DIAPH1: variants seen among roughly 807,000 people sequenced by gnomAD.
DIAPH1 encodes diaphanous related formin 1.
A neutral mutation model predicts 140.7 loss-of-function variants in DIAPH1; 46 were observed. The observed-to-expected ratio is 0.33, with a 90% CI of 0.26 to 0.42. The LOEUF (loss-of-function observed/expected upper bound fraction) is 0.42. DIAPH1 is among the 10% of genes least tolerant of loss of function. The pLI, the probability that DIAPH1 is intolerant of heterozygous loss-of-function variation, is 1.00. For synonymous variants in DIAPH1, 565 were observed against 551.6 expected, an observed-to-expected ratio of 1.02 and a Z score of -0.34; for missense variants, 1,310 against 1,558.7, an observed-to-expected ratio of 0.84 and a Z score of 2.69.
chr5:141,545,735 T>C (rs1413230141), intron 18 of DIAPH1, among the ~76,000 whole-genome samples: 1 of 152,190 alleles, frequency 6.6e-6, no homozygotes, highest in Non-Finnish European at 1.5e-5. Flanking sequence ...TAAACAGACA[T>C]ATATTTTAGG....
rs755863519 is a variant in DIAPH1 at position 141,574,153 on chromosome 5, G to A, written c.1697C>T (p.Ser566Phe). 2 of 1,614,130 alleles carry A rather than the reference G, an allele frequency of 1.2e-6. No individual in the cohort carries two copies. The highest frequency in any genetic ancestry group is 2.2e-5 in the South Asian group (2 of 91,082). The change falls in exon 16 of 28, where the codon TCT becomes TTT. Residue 566 changes from serine (S) to phenylalanine (F), a missense_variant. Transcript: ENST00000389054. ...EDAKKEMASL[S>F]AAAITVPPSV... The stretch of plus-strand genomic sequence containing the variant: ...AGGAGGTACAGTAATAGCTGCCGCA[G>A]AGAGGGAAGCCATTTCTTTCTTGGC...
At chr5:141,618,774 G>T in intron 1 of DIAPH1, 24 bp downstream of exon 1, 1 of 1,511,932 alleles carries the variant, frequency 6.6e-7, no homozygotes, top group South Asian at 1.2e-5. Context: ...GGCCAGGCAG[G>T]AGCGGGATGG....
In DIAPH1 at chr5:141,603,218, A is replaced by G. The variant is rs191300117; in HGVS notation, c.118-14968T>C. Among the ~76,000 whole-genome samples the G allele has an allele frequency of 5.3e-4, 80 of 152,334 alleles. 1 individual carries two copies. Among genetic ancestry groups the G allele is most frequent in the Middle Eastern group, 6.8e-3 (2 of 294 alleles). ...TAGGTAAGACTGTAGCAGCTCCTCC[A>G]TTTGGTTCAGAGTGCCTCAGCAGCC... On this transcript the variant is annotated intron_variant, in intron 1 of 27. Coordinates refer to ENST00000389054, the MANE Select transcript of DIAPH1 (RefSeq NM_005219.5).
Position 141,618,867 on chromosome 5 carries a change from G to C in DIAPH1, c.48C>G (p.Asp16Glu), listed in dbSNP as rs993499020. 7 of 1,524,704 alleles carry C rather than the reference G, an allele frequency of 4.6e-6. No individual in the cohort carries two copies. The highest frequency in any genetic ancestry group is 6.2e-6 in the Non-Finnish European group (7 of 1,135,954). The allele number at this position is 1,524,704 out of a possible 1,614,324, so 94.4% of individuals were successfully genotyped here. Residue 16 changes from aspartate (D) to glutamate (E), a missense_variant, in exon 1 of 28, where the codon GAC becomes GAG. By Grantham distance (45) the Asp-to-Glu change is conservative. Coordinates refer to ENST00000389054, the MANE Select transcript of DIAPH1 (RefSeq NM_005219.5). ...CATCTGGGCTCCGGCCCTTCTTCTTGTCCCGGGTCCCGCGGCCGGGCCCCA... is the reference window on the plus strand; with the variant it reads ...CATCTGGGCTCCGGCCCTTCTTCTTCTCCCGGGTCCCGCGGCCGGGCCCCA... ...GSLGPGRGTR[D>E]KKKGRSPDEL... is the part of the protein sequence containing the mutation.
At chr5:141,562,623 AC>A (rs201791186) in intron 18 of DIAPH1, among the ~76,000 whole-genome samples, 13 of 136,626 alleles carry the variant, frequency 9.5e-5, no homozygotes, top group South Asian at 4.7e-4. Context: ...AAAAAAACAA[AC>A]AAAAAAAAAC....
At chr5:141,573,047 A>T (rs1245720287) in intron 16 of DIAPH1, among the ~76,000 whole-genome samples, 1 of 152,250 alleles carries the variant, frequency 6.6e-6, no homozygotes, top group Non-Finnish European at 1.5e-5. Context: ...AATAAACATA[A>T]GCATGAGTGA....
At chr5:141,528,367 GA>G in intron 23 of DIAPH1, 85 bp downstream of exon 23, 1 of 1,588,594 alleles carries the variant, frequency 6.3e-7, no homozygotes, top group Non-Finnish European at 8.6e-7. Flanking sequence ...AGTCTGAACT[GA>G]AAATGCTCTC....
chr5:141,615,604 G>A (rs565387876), intron 1 of DIAPH1, among the ~76,000 whole-genome samples: 64 of 152,108 alleles, frequency 4.2e-4, no homozygotes, highest in Non-Finnish European at 1.2e-4. Context: ...TTAGCCAGGC[G>A]TGGTGGCAGG....
chr5:141,617,197 C>T lies in DIAPH1; in HGVS notation c.117+1601G>A, dbSNP rs572322922. Among the ~76,000 whole-genome samples, 8 of 149,296 alleles carry T rather than the reference C, an allele frequency of 5.4e-5. No individual in the cohort carries two copies. The South Asian group carries it at 1.7e-3, about 32-fold the overall frequency. On this transcript the variant is annotated intron_variant, in intron 1 of 27. Coordinates refer to ENST00000389054, the MANE Select transcript of DIAPH1 (RefSeq NM_005219.5). The stretch of plus-strand genomic sequence containing the variant: ...ACTTAAGTTTTGGAAGGAAAGCTAA[C>T]GGGGGGGAGGGGTCAATTCTTATCC...
intron 7 of DIAPH1, among the ~76,000 whole-genome samples, chr5:141,581,671 A>ACAGT (rs2099896769): frequency 6.6e-6 from 1 of 152,232 alleles, no homozygotes; most frequent in Non-Finnish European, 1.5e-5. Context: ...AAATGGAGCA[A>ACAGT]CAGTCTAGAA....
Position 141,561,061 on chromosome 5 carries a change from C to T in DIAPH1, c.2482+10367G>A, listed in dbSNP as rs1202553434. ...AACCTGAGCCAAAATAGCTCAACTGCGCGCACCCCGTGGCCGAAAAGAAAA... is the reference window on the plus strand; with the variant it reads ...AACCTGAGCCAAAATAGCTCAACTGTGCGCACCCCGTGGCCGAAAAGAAAA... On this transcript the variant is annotated intron_variant, in intron 18 of 27. Transcript: ENST00000389054. Among the ~76,000 whole-genome samples, 125 of 151,828 alleles carry T rather than the reference C, an allele frequency of 8.2e-4. 2 individuals carry two copies. Among genetic ancestry groups the T allele is most frequent in the Non-Finnish European group, 2.1e-4 (14 of 68,004 alleles).
At chr5:141,574,304 A>C in intron 15 of DIAPH1, 96 bp from the exon 16 acceptor site, 26 of 1,233,264 alleles carry the variant, frequency 2.1e-5, no homozygotes, top group Non-Finnish European at 2.6e-5. Flanking sequence ...CAAACTTCTC[A>C]TGTTACAAAT....
chr5:141,584,253 A>T, intron 3 of DIAPH1, 28 bp from the exon 4 acceptor site: 6 of 1,359,562 alleles, frequency 4.4e-6, no homozygotes, highest in Non-Finnish European at 6.3e-6. Flanking sequence ...AAGAGAAAAA[A>T]CAAAATTGCC....
At position 141,541,142 on chromosome 5, in the gene DIAPH1, A is replaced by T. The variant is rs187309935; in HGVS notation, c.2483-6709T>A. On this transcript the variant is annotated intron_variant, in intron 18 of 27. Coordinates refer to ENST00000389054, the MANE Select transcript of DIAPH1 (RefSeq NM_005219.5). Reference sequence around the variant, plus strand: ...CAATGAAACTATGACATCCACTGTGAGAAACATCATGATTTCAGAGATGTT... The same window carrying T: ...CAATGAAACTATGACATCCACTGTGTGAAACATCATGATTTCAGAGATGTT... Among the ~76,000 whole-genome samples the T allele has an allele frequency of 2.8e-3, 425 of 152,342 alleles. 5 individuals carry two copies. The highest frequency in any genetic ancestry group is 5.0e-3 in the Non-Finnish European group (337 of 68,022).
intron 2 of DIAPH1, chr5:141,587,420 A>C (rs952874459): frequency 1.7e-6 from 1 of 579,796 alleles, no homozygotes; most frequent in Admixed American, 3.0e-5. Context: ...AGAGGACCAA[A>C]GTATTAAGAT....
At chr5:141,578,189 T>C in intron 11 of DIAPH1, 36 bp downstream of exon 11, 1 of 1,450,976 alleles carries the variant, frequency 6.9e-7, no homozygotes, top group Non-Finnish European at 9.7e-7. Flanking sequence ...ACAATGAATG[T>C]CTCATCTGCC....
Position 141,573,092 on chromosome 5 carries a change from T to C in DIAPH1, c.2358+400A>G, listed in dbSNP as rs149880116. ...ATAGAAAGATGAAAGCCTTAAGGCG[T>C]AGCCCATCCATGCACAAAATACAAA... is the stretch of plus-strand genomic sequence containing the variant. On this transcript the variant is annotated intron_variant, in intron 16 of 27. Coordinates refer to ENST00000389054, the MANE Select transcript of DIAPH1 (RefSeq NM_005219.5). Among the ~76,000 whole-genome samples the C allele has an allele frequency of 3.3e-3, 506 of 152,334 alleles. 4 individuals carry two copies. Among genetic ancestry groups the C allele is most frequent in the African/African-American group, 0.011 (469 of 41,582 alleles).
At chr5:141,610,535 G>A (rs976961707) in intron 1 of DIAPH1, among the ~76,000 whole-genome samples, 26 of 152,038 alleles carry the variant, frequency 1.7e-4, no homozygotes, top group East Asian at 7.8e-4. Flanking sequence ...TCTTCATCTC[G>A]TGATCCGCCC....
At chr5:141,555,557 A>G (rs1213695885) in intron 18 of DIAPH1, among the ~76,000 whole-genome samples, 2 of 152,222 alleles carry the variant, frequency 1.3e-5, no homozygotes, top group Non-Finnish European at 2.9e-5. Flanking sequence ...CCCCATTTTC[A>G]TAAGAGCAAA....
Sources: allele counts gnomAD v4.1 joint callset (sites outside exome capture counted in the v4.1 genomes callset), GRCh38; gene constraint gnomAD v4.1.1; transcripts MANE v1.5; gene names NCBI Gene and HGNC (gene_info 2026-07-23, HGNC 2026-07-21).